PCDHA2: variants seen among roughly 807,000 people sequenced by gnomAD.
PCDHA2 encodes protocadherin alpha 2.
Under a neutral mutation model 66.0 loss-of-function variants are expected in PCDHA2, and 58 were observed. The ratio of observed to expected loss-of-function variants is 0.88; its 90% CI spans 0.71 to 1.09. The LOEUF (loss-of-function observed/expected upper bound fraction) is 1.09, where lower values mean the gene tolerates loss of function less well. Ranked by LOEUF, PCDHA2 falls within the 50% of genes least tolerant of loss-of-function variation. The pLI is 0.00. For synonymous variants in PCDHA2, 634 were observed against 554.0 expected, an observed-to-expected ratio of 1.14 and a Z score of -2.03; for missense variants, 1,267 against 1,242.3, an observed-to-expected ratio of 1.02 and a Z score of -0.30.
rs60872775 is a variant in PCDHA2 at position 140,857,509 on chromosome 5, C to G, written c.2388+60157C>G. 2,646 of 1,598,160 alleles carry G rather than the reference C, an allele frequency of 1.7e-3. 197 individuals carry two copies. In the African/African-American group the frequency reaches 0.032, roughly 19 times the overall value. ...GGGACGCGGACGCGCAGGAGAACGCCCTGGTGTCCTACTCTCTGGTGGAGC... is the reference window on the plus strand; with the variant it reads ...GGGACGCGGACGCGCAGGAGAACGCGCTGGTGTCCTACTCTCTGGTGGAGC... On this transcript the variant is annotated intron_variant, in intron 1 of 3. Transcript: ENST00000526136.
Position 140,828,892 on chromosome 5 carries a change from T to C in PCDHA2, c.2388+31540T>C, listed in dbSNP as rs2150160259. ...CAACAGTTATCAGACTGAATGCTTC[T>C]GATCGGGATGAAGGAGCGAATGGGG... is the stretch of plus-strand genomic sequence containing the variant. On this transcript the variant is annotated intron_variant, in intron 1 of 3. Coordinates refer to ENST00000526136, the MANE Select transcript of PCDHA2 (RefSeq NM_018905.3). The C allele has an allele frequency of 1.9e-6, 3 of 1,614,124 alleles. No homozygotes were observed. In the South Asian group the frequency reaches 3.3e-5, roughly 18 times the overall value.
Position 140,843,872 on chromosome 5 carries a change from G to A in PCDHA2, c.2388+46520G>A, listed in dbSNP as rs2150367258. ...TTTTATAATTAATTGAATTTTCTCA[G>A]TGGCATAATACAGTATTAATCATTC... On this transcript the variant is annotated intron_variant, in intron 1 of 3. Transcript: ENST00000526136. The A allele has an allele frequency of 1.5e-4, 121 of 801,174 alleles. 7 individuals carry two copies. The highest frequency in any genetic ancestry group is 2.3e-4 in the Non-Finnish European group (116 of 509,628). The allele number at this position is 801,174 out of a possible 1,614,324, so 49.6% of individuals were successfully genotyped here.
intron 1 of PCDHA2, among the ~76,000 whole-genome samples, chr5:140,908,266 C>T (rs1281456045): frequency 1.3e-5 from 2 of 152,144 alleles, no homozygotes; most frequent in African/African-American, 4.8e-5. Context: ...AGGGAACTCC[C>T]CATGAGGCCA....
Position 140,797,075 on chromosome 5 carries a change from T to C in PCDHA2, c.2111T>C (p.Ile704Thr). 2 of 1,613,888 alleles carry C rather than the reference T, an allele frequency of 1.2e-6. No homozygotes were observed. Among genetic ancestry groups the C allele is most frequent in the Non-Finnish European group, 1.7e-6 (2 of 1,179,970 alleles). Residue 704 changes from isoleucine (I) to threonine (T), a missense_variant, in exon 1 of 4, where the codon ATC becomes ACC. Ile to Thr is a moderately conservative substitution (Grantham distance 89). Coordinates refer to ENST00000526136, the MANE Select transcript of PCDHA2 (RefSeq NM_018905.3). ...GTCAACGTGTACCTGATCATCGCCATCTGCGCGGTATCCAGCCTGTTGGTG... is the reference window on the plus strand; with the variant it reads ...GTCAACGTGTACCTGATCATCGCCACCTGCGCGGTATCCAGCCTGTTGGTG... ...VDVNVYLIIA[I>T]CAVSSLLVLT...
chr5:140,981,744 G>C (rs1586900543), intron 2 of PCDHA2, among the ~76,000 whole-genome samples: 1 of 151,900 alleles, frequency 6.6e-6, no homozygotes, highest in Admixed American at 6.6e-5. Context: ...ATTAATATGA[G>C]TTAGTATTAG....
chr5:140,874,556 C>CAAAA (rs2054997993), intron 1 of PCDHA2, among the ~76,000 whole-genome samples: 1 of 152,178 alleles, frequency 6.6e-6, no homozygotes, highest in African/African-American at 2.4e-5. Flanking sequence ...AGAGATCTTT[C>CAAAA]GCATTTTAGT....
At chr5:140,804,886 C>G in intron 1 of PCDHA2, 6 of 637,684 alleles carry the variant, frequency 9.4e-6, no homozygotes, top group Non-Finnish European at 1.5e-5. Flanking sequence ...TGACTCCTCT[C>G]CTTCCCCTCA....
chr5:140,982,648 G>T, intron 3 of PCDHA2, 85 bp downstream of exon 3: 5 of 1,508,154 alleles, frequency 3.3e-6, no homozygotes, highest in Non-Finnish European at 4.4e-6. Flanking sequence ...GAATGTTGAT[G>T]GCTCTTTTTC....
intron 1 of PCDHA2, chr5:140,856,419 A>G: frequency 6.3e-7 from 1 of 1,598,426 alleles, no homozygotes; most frequent in Non-Finnish European, 8.6e-7. Context: ...GAAGTGAAGG[A>G]CATTAACGAC....
intron 1 of PCDHA2, among the ~76,000 whole-genome samples, chr5:140,826,168 G>A (rs1554130469): frequency 6.6e-6 from 1 of 152,116 alleles, no homozygotes; most frequent in Non-Finnish European, 1.5e-5. Flanking sequence ...AATAGTTTTT[G>A]TCATTCTATA....
chr5:140,968,476 G>A (rs1295691287), intron 1 of PCDHA2: 1 of 1,613,974 alleles, frequency 6.2e-7, no homozygotes, highest in East Asian at 2.2e-5. Flanking sequence ...TATATGTGGT[G>A]GACATGAATG....
At chr5:140,880,684 A>G (rs903335932) in intron 1 of PCDHA2, among the ~76,000 whole-genome samples, 27 of 152,226 alleles carry the variant, frequency 1.8e-4, no homozygotes, top group Admixed American at 1.2e-3. Flanking sequence ...TGAAGAGAAT[A>G]GTCATGGTTA....
chr5:140,946,629 T>TATATATATATATATATATATAC (rs1367833800), intron 1 of PCDHA2, among the ~76,000 whole-genome samples: 1 of 123,274 alleles, frequency 8.1e-6, no homozygotes, highest in African/African-American at 3.0e-5. Context: ...TATATATATA[T>TATATATATATATATATATATAC]ATACAATGGA....
intron 1 of PCDHA2, chr5:140,856,337 C>A (rs782782390): frequency 1.3e-6 from 2 of 1,598,382 alleles, no homozygotes; most frequent in Non-Finnish European, 1.7e-6. Flanking sequence ...GCTGTGCGGG[C>A]GGAGCGTGGA....
At chr5:140,846,469 G>T (rs1554141344) in intron 1 of PCDHA2, among the ~76,000 whole-genome samples, 1 of 143,096 alleles carries the variant, frequency 7.0e-6, no homozygotes, top group Non-Finnish European at 1.5e-5. Flanking sequence ...CTGCCTCCCG[G>T]GTTCAAATGA....
intron 1 of PCDHA2, among the ~76,000 whole-genome samples, chr5:140,956,511 T>C (rs1293826895): frequency 1.3e-5 from 2 of 152,218 alleles, no homozygotes. Flanking sequence ...TACTTGATCA[T>C]GGTGAATAAG....
chr5:140,849,973 C>G, intron 1 of PCDHA2: 1 of 1,597,728 alleles, frequency 6.3e-7, no homozygotes, highest in Non-Finnish European at 8.6e-7. Context: ...GTGTCCTACT[C>G]GCTGGTGGAG....
chr5:140,955,493 T>G (rs1554221955), intron 1 of PCDHA2, among the ~76,000 whole-genome samples: 1 of 152,190 alleles, frequency 6.6e-6, no homozygotes, highest in African/African-American at 2.4e-5. Flanking sequence ...CCTGCCACCA[T>G]GTGAAGAAAG....
intron 1 of PCDHA2, among the ~76,000 whole-genome samples, chr5:140,954,934 T>A (rs1417357535): frequency 2.6e-5 from 4 of 152,208 alleles, no homozygotes; most frequent in African/African-American, 9.6e-5. Flanking sequence ...TTAATTAATC[T>A]TGAGTTAATT....
Sources: allele counts gnomAD v4.1 joint callset (sites outside exome capture counted in the v4.1 genomes callset), GRCh38; gene constraint gnomAD v4.1.1; transcripts MANE v1.5; gene names NCBI Gene and HGNC (gene_info 2026-07-23, HGNC 2026-07-21).